The following BIRC6 variants were observed in gnomAD, a reference collection of about 807,000 sequenced individuals.
The protein encoded by BIRC6 is baculoviral IAP repeat containing 6, also known as dual E2 ubiquitin-conjugating enzyme/E3 ubiquitin-protein ligase BIRC6.
In BIRC6, 98 loss-of-function variants were observed where a neutral mutation model predicts 503.3. The ratio of observed to expected loss-of-function variants is 0.19; its 90% CI spans 0.17 to 0.23. BIRC6 has a LOEUF of 0.23. Ranked by LOEUF, BIRC6 falls within the 10% of genes least tolerant of loss-of-function variation. The pLI, the probability that BIRC6 is intolerant of heterozygous loss-of-function variation, is 1.00. For synonymous variants in BIRC6, 2,240 were observed against 2,078.7 expected (o/e 1.08, Z -2.11); for missense variants, 5,360 against 5,806.0 (o/e 0.92, Z 2.50).
At chr2:32,376,636 C>T (rs2036825967) in intron 1 of BIRC6, among the ~76,000 whole-genome samples, 1 of 151,968 alleles carries the variant, frequency 6.6e-6, no homozygotes, top group Non-Finnish European at 1.5e-5. Context: ...TGTCACAAAT[C>T]TCTGAAATTT....
chr2:32,611,352 A>G lies in BIRC6; in HGVS notation c.14260-96A>G, dbSNP rs764712138. The G allele has an allele frequency of 2.4e-4, 191 of 784,786 alleles. 1 individual carries two copies. Among genetic ancestry groups the G allele is most frequent in the Middle Eastern group, 4.3e-4 (1 of 2,316 alleles). The allele number at this position is 784,786 out of a possible 1,614,324, so 48.6% of individuals were successfully genotyped here. On this transcript the variant is annotated intron_variant, in intron 72 of 73. Coordinates refer to ENST00000421745, the MANE Select transcript of BIRC6 (RefSeq NM_016252.4). ...TTTATAGAATAAATTATTTAAATGT[A>G]TTTATAATACATTTTACTTCTTTGT...
intron 23 of BIRC6, among the ~76,000 whole-genome samples, chr2:32,460,270 ATATTTTTTTT>A (rs1198647119): frequency 2.6e-3 from 62 of 24,176 alleles, no homozygotes; most frequent in African/African-American, 9.0e-3. Flanking sequence ...ATATATATAT[ATATTTTTTTT>A]TTTTTTTTTT....
intron 1 of BIRC6, among the ~76,000 whole-genome samples, chr2:32,373,219 C>T (rs1319519378): frequency 1.3e-5 from 2 of 151,210 alleles, no homozygotes; most frequent in Non-Finnish European, 2.9e-5. Flanking sequence ...TTTTCTATTT[C>T]TGCAGGAAAA....
At chr2:32,363,741 A>G (rs997718811) in intron 1 of BIRC6, among the ~76,000 whole-genome samples, 4 of 152,162 alleles carry the variant, frequency 2.6e-5, no homozygotes, top group African/African-American at 9.7e-5. Flanking sequence ...GTAAATTAAG[A>G]TTAATGTTTA....
chr2:32,421,524 T>A (rs1000406303), intron 10 of BIRC6, among the ~76,000 whole-genome samples: 3 of 152,230 alleles, frequency 2.0e-5, no homozygotes, highest in African/African-American at 7.2e-5. Context: ...TTTGATACAT[T>A]GTGTTTTTCC....
chr2:32,541,857 T>C (rs1204061018), intron 61 of BIRC6, among the ~76,000 whole-genome samples: 7 of 152,166 alleles, frequency 4.6e-5, no homozygotes, highest in Admixed American at 1.3e-4. Context: ...TATACAGTTA[T>C]ACAAATCAGA....
chr2:32,382,520 G>A (rs1366456438), intron 3 of BIRC6, among the ~76,000 whole-genome samples: 1 of 152,134 alleles, frequency 6.6e-6, no homozygotes, highest in Non-Finnish European at 1.5e-5. Context: ...GAACCTAAAA[G>A]CCAGGAAACT....
intron 59 of BIRC6, chr2:32,527,104 T>TC (rs1275662906): frequency 6.6e-6 from 1 of 152,236 alleles, no homozygotes; most frequent in Non-Finnish European, 1.5e-5. Flanking sequence ...CTGGCATACA[T>TC]AAGTACAAAC....
intron 6 of BIRC6, among the ~76,000 whole-genome samples, 185 bp downstream of exon 6, chr2:32,395,778 G>T (rs2149636639): frequency 6.6e-6 from 1 of 152,308 alleles, no homozygotes; most frequent in Admixed American, 6.5e-5. Context: ...GTGTCTGTAA[G>T]TTTGACTTTC....
rs2054878423 is a variant in BIRC6 at position 32,515,000 on chromosome 2, A to C, written c.10579A>C (p.Asn3527His). 1.2e-6 allele frequency: 2 copies of C among 1,604,260 alleles called. No homozygotes were observed. Among genetic ancestry groups the C allele is most frequent in the South Asian group, 1.1e-5 (1 of 90,008 alleles). The change falls in exon 55 of 74, where the codon AAT becomes CAT. Residue 3527 changes from asparagine (N) to histidine (H), a missense_variant. Coordinates refer to ENST00000421745, the MANE Select transcript of BIRC6 (RefSeq NM_016252.4). ...LDQELFELLFNWSMSLPCNMV... is the reference protein window; with the variant it reads ...LDQELFELLFHWSMSLPCNMV... ...TCTTTTATTTTTTAGGTTACTTTTT[A>C]ATTGGTCCATGTCTCTTCCCTGCAA...
intron 56 of BIRC6, 114 bp downstream of exon 56, chr2:32,518,511 C>T: frequency 9.0e-7 from 1 of 1,105,982 alleles, no homozygotes; most frequent in Middle Eastern, 2.7e-4. Flanking sequence ...GTGAAACTAG[C>T]ACAGCCTTTA....
intron 1 of BIRC6, among the ~76,000 whole-genome samples, chr2:32,359,153 C>T (rs375263900): frequency 6.6e-6 from 1 of 152,128 alleles, no homozygotes; most frequent in African/African-American, 2.4e-5. Flanking sequence ...TGATTTTATC[C>T]TTTTCATATA....
At chr2:32,541,764 G>GT (rs566221784) in intron 61 of BIRC6, among the ~76,000 whole-genome samples, 17 of 152,072 alleles carry the variant, frequency 1.1e-4, no homozygotes, top group Admixed American at 2.6e-4. Context: ...CAGAATTGGA[G>GT]TTTTTCTTTG....
chr2:32,603,677 T>C lies in BIRC6; in HGVS notation c.14070+594T>C, dbSNP rs138021884. 5.4e-3 allele frequency among the ~76,000 whole-genome samples: 814 copies of C among 152,110 alleles called. 3 individuals are homozygous for C. Among genetic ancestry groups the C allele is most frequent in the Middle Eastern group, 0.01 (3 of 294 alleles). ...AGGAGGAGATTGCAGTGAGCCGAGA[T>C]CACGGCACTACACTCTAGCCTGGGT... On this transcript the variant is annotated intron_variant, in intron 71 of 73. Coordinates refer to ENST00000421745, the MANE Select transcript of BIRC6 (RefSeq NM_016252.4).
chr2:32,601,372 G>A (rs1423401757), intron 70 of BIRC6, among the ~76,000 whole-genome samples: 5 of 152,108 alleles, frequency 3.3e-5, no homozygotes, highest in African/African-American at 9.7e-5. Flanking sequence ...ACCTGAGGTC[G>A]GGAGTTTTAG....
chr2:32,424,455 G>C (rs555213612), intron 10 of BIRC6, among the ~76,000 whole-genome samples: 41 of 151,440 alleles, frequency 2.7e-4, no homozygotes, highest in Admixed American at 9.9e-4. Context: ...CCCGTTTTCA[G>C]TTGTTTTGGG....
chr2:32,401,088 C>T, intron 6 of BIRC6, 75 bp from the exon 7 acceptor site: 1 of 1,250,544 alleles, frequency 8.0e-7, no homozygotes, highest in Non-Finnish European at 1.1e-6. Context: ...GATGATGATC[C>T]TGGAGTTCTG....
At chr2:32,585,386 T>G (rs1375617949) in intron 66 of BIRC6, among the ~76,000 whole-genome samples, 2 of 150,168 alleles carry the variant, frequency 1.3e-5, no homozygotes, top group East Asian at 3.9e-4. Flanking sequence ...GTTCTTTTGT[T>G]TTTTTTTTTT....
At chr2:32,583,215 T>G (rs1381108991) in intron 66 of BIRC6, among the ~76,000 whole-genome samples, 5 of 152,194 alleles carry the variant, frequency 3.3e-5, no homozygotes, top group African/African-American at 9.6e-5. Flanking sequence ...TTAATGGTGA[T>G]TTAGTCTGTG....
Sources: gnomAD v4.1 joint callset for allele counts (sites outside exome capture counted in the v4.1 genomes callset) on GRCh38, gnomAD v4.1.1 for gene constraint, MANE v1.5 for transcripts, NCBI Gene and HGNC (gene_info 2026-07-23, HGNC 2026-07-21) for gene names.